The following DLGAP4 variants were observed in gnomAD, a reference collection of about 807,000 sequenced individuals.
DLGAP4 encodes disks large-associated protein 4.
Under a neutral mutation model 86.9 loss-of-function variants are expected in DLGAP4, and 18 were observed. The ratio of observed to expected loss-of-function variants is 0.21; its 90% CI spans 0.14 to 0.31. DLGAP4 has a LOEUF of 0.31. DLGAP4 is among the 10% of genes least tolerant of loss of function. DLGAP4 has a pLI of 1.00. For synonymous variants in DLGAP4, 548 were observed against 574.3 expected (o/e 0.95, Z 0.65); for missense variants, 1,085 against 1,362.6 (o/e 0.80, Z 3.21).
At chr20:36,309,815 G>T (rs940790302) in intron 1 of DLGAP4, among the ~76,000 whole-genome samples, 5,213 of 152,280 alleles carry the variant, frequency 0.034, 143 homozygotes, top group Non-Finnish European at 0.061. Flanking sequence ...GCTTCCTGAG[G>T]CCCACTCAGT....
chr20:36,412,497 T>C lies in DLGAP4; in HGVS notation c.-72-19149T>C, dbSNP rs562781273. On this transcript the variant is annotated intron_variant, in intron 2 of 12. Coordinates refer to ENST00000339266, the MANE Select transcript of DLGAP4 (RefSeq NM_001365621.2). Reference sequence around the variant, plus strand: ...CAGCACAGGAAGCTCATTAGTGGCATGGGCTCTGGAGCCAAATTGCCTGGG... The same window carrying C: ...CAGCACAGGAAGCTCATTAGTGGCACGGGCTCTGGAGCCAAATTGCCTGGG... Among the ~76,000 whole-genome samples the C allele has an allele frequency of 2.0e-5, 3 of 152,360 alleles. No individual in the cohort carries two copies. In the East Asian group the frequency reaches 5.8e-4, roughly 29 times the overall value.
chr20:36,497,021 C>G lies in DLGAP4; in HGVS notation c.1965C>G (p.His655Gln). Residue 655 changes from histidine to glutamine, a missense_variant, in exon 8 of 13, where the codon CAC (histidine) becomes CAG (glutamine). His to Gln is a conservative substitution (Grantham distance 24). Coordinates refer to ENST00000339266, the MANE Select transcript of DLGAP4 (RefSeq NM_001365621.2). Reference sequence around the variant, plus strand: ...GGACGCTGACCAGCTCTGAGTCCCACCCCGAGGCCGCCCCCAAAAGGAAAC... The same window carrying G: ...GGACGCTGACCAGCTCTGAGTCCCAGCCCGAGGCCGCCCCCAAAAGGAAAC... ...EQGTLTSSES[H>Q]PEAAPKRKLS... 1 of 1,610,994 alleles carries G rather than the reference C, an allele frequency of 6.2e-7. No individual in the cohort carries two copies. The highest frequency in any genetic ancestry group is 8.5e-7 in the Non-Finnish European group (1 of 1,177,806).
intron 10 of DLGAP4, among the ~76,000 whole-genome samples, chr20:36,503,504 T>G (rs11906999): frequency 1.3e-5 from 2 of 149,340 alleles, no homozygotes; most frequent in East Asian, 3.9e-4. Context: ...TTTTTTTTTT[T>G]TGAGACGGAG....
chr20:36,428,102 G>C (rs940444847), intron 2 of DLGAP4, among the ~76,000 whole-genome samples: 1 of 152,102 alleles, frequency 6.6e-6, no homozygotes, highest in African/African-American at 2.4e-5. Context: ...AACTCAAAAA[G>C]GTGGAAAAGG....
chr20:36,517,207 C>T (rs188485240), intron 10 of DLGAP4, among the ~76,000 whole-genome samples: 3 of 151,832 alleles, frequency 2.0e-5, no homozygotes, highest in East Asian at 2.0e-4. Flanking sequence ...GATGAAATCC[C>T]GTCTCTACTT....
chr20:36,442,619 G>A, intron 5 of DLGAP4, 108 bp from the exon 6 acceptor site: 1 of 1,226,720 alleles, frequency 8.2e-7, no homozygotes. Flanking sequence ...CCAGTCTGGG[G>A]AGGAGGTTAG....
chr20:36,343,984 C>T (rs998104505), intron 1 of DLGAP4, among the ~76,000 whole-genome samples: 1 of 152,194 alleles, frequency 6.6e-6, no homozygotes, highest in Admixed American at 6.5e-5. Context: ...GCTGTTCCGG[C>T]CATGGGGGTG....
chr20:36,496,477 C>A (rs1472621213), intron 7 of DLGAP4, among the ~76,000 whole-genome samples: 2 of 152,198 alleles, frequency 1.3e-5, no homozygotes, highest in Non-Finnish European at 2.9e-5. Context: ...GTGGTGGCAT[C>A]CCCTCAAGAC....
chr20:36,320,356 C>T (rs2065156003), intron 1 of DLGAP4, among the ~76,000 whole-genome samples: 1 of 151,778 alleles, frequency 6.6e-6, no homozygotes, highest in Admixed American at 6.6e-5. Context: ...GCCTGGCCGA[C>T]ATTCAAGGTG....
intron 1 of DLGAP4, among the ~76,000 whole-genome samples, chr20:36,323,261 C>A (rs2065187341): frequency 6.6e-6 from 1 of 151,084 alleles, no homozygotes; most frequent in Non-Finnish European, 1.5e-5. Flanking sequence ...CCAATTAATT[C>A]CCCACCTCCC....
intron 7 of DLGAP4, among the ~76,000 whole-genome samples, chr20:36,475,670 C>T (rs1335491719): frequency 6.6e-6 from 1 of 152,064 alleles, no homozygotes; most frequent in Non-Finnish European, 1.5e-5. Flanking sequence ...GATTATTAAC[C>T]AGCCCTTGCT....
At chr20:36,381,652 A>C (rs981380066) in intron 2 of DLGAP4, among the ~76,000 whole-genome samples, 4 of 152,218 alleles carry the variant, frequency 2.6e-5, no homozygotes, top group African/African-American at 9.6e-5. Flanking sequence ...GGAGGAGTCT[A>C]GAGTCCTGAG....
chr20:36,362,534 T>C (rs1467930352), intron 1 of DLGAP4, among the ~76,000 whole-genome samples: 1 of 152,092 alleles, frequency 6.6e-6, no homozygotes, highest in Non-Finnish European at 1.5e-5. Flanking sequence ...GAAAGAGAAA[T>C]GTCACATCTG....
intron 10 of DLGAP4, among the ~76,000 whole-genome samples, chr20:36,506,042 T>C (rs530313320): frequency 6.6e-6 from 1 of 152,296 alleles, no homozygotes; most frequent in East Asian, 1.9e-4. Flanking sequence ...TATTGCAATA[T>C]CTTATATTCC....
chr20:36,332,671 T>C (rs1555891690), intron 1 of DLGAP4, among the ~76,000 whole-genome samples: 2 of 152,158 alleles, frequency 1.3e-5, no homozygotes, highest in Non-Finnish European at 2.9e-5. Flanking sequence ...CTGTGCATCA[T>C]CTGTCCCGGC....
chr20:36,404,807 A>G (rs2032267112), intron 2 of DLGAP4, among the ~76,000 whole-genome samples: 1 of 152,266 alleles, frequency 6.6e-6, no homozygotes, highest in Admixed American at 6.5e-5. Context: ...AAAATGAGTA[A>G]GCTGCCATTG....
intron 1 of DLGAP4, among the ~76,000 whole-genome samples, chr20:36,342,654 G>A (rs1417780600): frequency 6.6e-6 from 1 of 152,252 alleles, no homozygotes; most frequent in Non-Finnish European, 1.5e-5. Context: ...GGGCTGGGAT[G>A]GAGGTAACCT....
intron 2 of DLGAP4, among the ~76,000 whole-genome samples, chr20:36,384,270 T>A (rs776503788): frequency 6.6e-6 from 1 of 152,118 alleles, no homozygotes; most frequent in Non-Finnish European, 1.5e-5. Context: ...GGTGCTGTCC[T>A]CGGTTCTGTC....
intron 7 of DLGAP4, chr20:36,461,478 G>A (rs1291618605): frequency 2.0e-6 from 2 of 981,066 alleles, no homozygotes; most frequent in Non-Finnish European, 2.4e-6. Context: ...GTACAAAACC[G>A]GAGCCTCGGG....
Sources: gnomAD v4.1 joint callset for allele counts (sites outside exome capture counted in the v4.1 genomes callset) on GRCh38, gnomAD v4.1.1 for gene constraint, MANE v1.5 for transcripts, NCBI Gene and HGNC (gene_info 2026-07-23, HGNC 2026-07-21) for gene names.